YEATS4: variants seen among roughly 807,000 people sequenced by gnomAD.
YEATS4 encodes YEATS domain containing 4, also known as YEATS domain-containing protein 4.
A neutral mutation model predicts 30.1 loss-of-function variants in YEATS4; 17 were observed. The observed-to-expected ratio is 0.56, with a 90% confidence interval of 0.39 to 0.85. The LOEUF is 0.85. Among genes scored for constraint, YEATS4 ranks in the 40% least tolerant of loss-of-function variants. The probability of loss-of-function intolerance (pLI) is 0.00; values close to 1 mark genes in which losing one functional copy is unlikely to be tolerated. For synonymous variants in YEATS4, 85 were observed against 87.5 expected, an observed-to-expected ratio of 0.97 and a Z score of 0.16; for missense variants, 142 against 268.3, an observed-to-expected ratio of 0.53 and a Z score of 3.29.
Position 69,359,850 on chromosome 12 carries a change from C to G in YEATS4, c.-123C>G, listed in dbSNP as rs1273763273. The G allele has an allele frequency of 2.6e-5, 31 of 1,209,878 alleles. No homozygotes were observed. Among genetic ancestry groups the G allele is most frequent in the Non-Finnish European group, 3.6e-5 (31 of 864,670 alleles). The allele number at this position is 1,209,878 out of a possible 1,614,324, so 74.9% of individuals were successfully genotyped here. A position where few individuals can be genotyped will look rare whatever the true frequency, so the allele number is the denominator to read the frequency against. Reference sequence around the variant, plus strand: ...CCGCCGTGAGCCCAAGTAACTCGCCCTCCTTCGGCTAGAAACCCTCCGCCT... The same window carrying G: ...CCGCCGTGAGCCCAAGTAACTCGCCGTCCTTCGGCTAGAAACCCTCCGCCT... On this transcript the variant is annotated 5_prime_UTR_variant, in exon 1 of 7. Coordinates refer to ENST00000247843, the MANE Select transcript of YEATS4 (RefSeq NM_006530.4).
rs117678808 is a variant in YEATS4 at position 69,390,485 on chromosome 12, A to G, written c.*169A>G. The G allele has an allele frequency of 0.023, 11,807 of 521,138 alleles. 188 individuals carry two copies. Among genetic ancestry groups the G allele is most frequent in the Middle Eastern group, 0.028 (56 of 1,986 alleles). 32.3% of individuals were successfully genotyped at this position (521,138 alleles called of 1,614,324 possible). On this transcript the variant is annotated 3_prime_UTR_variant, in exon 7 of 7. Transcript: ENST00000247843. Reference sequence around the variant, plus strand: ...ATTTGTACTATTTAAGCAATCTTTAATGGAAAATATGTGTGTAAGAATGGA... The same window carrying G: ...ATTTGTACTATTTAAGCAATCTTTAGTGGAAAATATGTGTGTAAGAATGGA...
At chr12:69,416,136 C>G in the YEATS4 span, among the ~76,000 whole-genome samples, 2 of 152,160 alleles carry the variant, frequency 1.3e-5, no homozygotes, top group African/African-American at 4.8e-5. Context: ...AACTGCTGTG[C>G]ATTCCAACTT....
intron 6 of YEATS4, among the ~76,000 whole-genome samples, chr12:69,376,258 C>T (rs1230406155): frequency 2.0e-5 from 3 of 152,072 alleles, no homozygotes; most frequent in Admixed American, 6.6e-5. Context: ...CCCAGCTACT[C>T]GTGTGGCAGA....
the YEATS4 span, among the ~76,000 whole-genome samples, chr12:69,410,699 A>G: frequency 2.6e-5 from 4 of 152,220 alleles, no homozygotes; most frequent in African/African-American, 9.6e-5. Context: ...AAGAATTTCA[A>G]GAGAACTGCT....
chr12:69,425,022 C>A, the YEATS4 span, among the ~76,000 whole-genome samples: 1 of 152,120 alleles, frequency 6.6e-6, no homozygotes, highest in African/African-American at 2.4e-5. Context: ...TGGGTTCAAG[C>A]AATTCTCCTG....
intron 6 of YEATS4, 149 bp from the exon 7 acceptor site, chr12:69,389,998 A>C (rs1868298108): frequency 3.4e-6 from 2 of 580,058 alleles, no homozygotes; most frequent in Non-Finnish European, 5.6e-6. Context: ...CCCTCCCCCA[A>C]CCTGCACCCA....
chr12:69,420,233 G>A, the YEATS4 span, among the ~76,000 whole-genome samples: 9 of 152,174 alleles, frequency 5.9e-5, no homozygotes, highest in African/African-American at 2.2e-4. Context: ...TTTCCAGGAT[G>A]CAAGGAAGGA....
intron 2 of YEATS4, chr12:69,364,236 T>G (rs996017281): frequency 9.1e-6 from 4 of 439,610 alleles, no homozygotes; most frequent in Non-Finnish European, 1.4e-5. Flanking sequence ...GAGGATCGCT[T>G]GAGCCCAGGA....
chr12:69,402,589 G>A, the YEATS4 span, among the ~76,000 whole-genome samples: 2 of 152,142 alleles, frequency 1.3e-5, no homozygotes, highest in Non-Finnish European at 2.9e-5. Flanking sequence ...TGCTATTGTA[G>A]CACAAAGGCA....
intron 6 of YEATS4, among the ~76,000 whole-genome samples, chr12:69,387,811 TGATTGG>T: frequency 6.6e-6 from 1 of 152,228 alleles, no homozygotes; most frequent in Non-Finnish European, 1.5e-5. Flanking sequence ...GAAGAAGCAC[TGATTGG>T]TCATGGCAGG....
rs1875407480 is a variant in YEATS4 at position 69,365,827 on chromosome 12, A to G, written c.276A>G (p.Gly92=). The change falls in exon 4 of 7, where the codon GGA becomes GGG. Residue 92 remains glycine, a synonymous_variant. Coordinates refer to ENST00000247843, the MANE Select transcript of YEATS4 (RefSeq NM_006530.4). ...CTCCATATGAAATTACTGAAACAGG[A>G]TGGGGTGAATTCGAAATAATCATCA... ...TKPPYEITET[G]WGEFEIIIKI... 6 of 1,611,324 alleles carry G rather than the reference A, an allele frequency of 3.7e-6. No individual in the cohort carries two copies. The highest frequency in any genetic ancestry group is 1.3e-5 in the African/African-American group (1 of 74,900).
the YEATS4 span, among the ~76,000 whole-genome samples, chr12:69,411,914 G>A: frequency 9.5e-4 from 144 of 152,350 alleles, 1 homozygote; most frequent in African/African-American, 3.2e-3. Context: ...ACCAAACCAC[G>A]TAGGGGTTTG....
At chr12:69,418,307 C>T in the YEATS4 span, among the ~76,000 whole-genome samples, 4 of 152,028 alleles carry the variant, frequency 2.6e-5, no homozygotes, top group Admixed American at 1.3e-4. Flanking sequence ...CAAAAATTAG[C>T]GGGGTAGGAT....
downstream of YEATS4, among the ~76,000 whole-genome samples, chr12:69,394,613 TAGTG>T (rs980395801): frequency 1.1e-4 from 16 of 147,028 alleles, no homozygotes; most frequent in East Asian, 5.8e-4. Context: ...AAGATGGAGA[TAGTG>T]TGTTTGTTTG....
intron 1 of YEATS4, among the ~76,000 whole-genome samples, chr12:69,361,038 A>G (rs1444493310): frequency 6.6e-6 from 1 of 151,488 alleles, no homozygotes; most frequent in African/African-American, 2.4e-5. Flanking sequence ...TCTCTACTAA[A>G]TATACAAAAA....
chr12:69,376,419 T>C (rs1167808875), intron 6 of YEATS4, among the ~76,000 whole-genome samples: 4 of 152,236 alleles, frequency 2.6e-5, no homozygotes, highest in African/African-American at 4.8e-5. Context: ...AAGGCTAATT[T>C]GACTTCTGCT....
At chr12:69,366,382 TA>T (rs11383864) in intron 4 of YEATS4, among the ~76,000 whole-genome samples, 9 of 150,272 alleles carry the variant, frequency 6.0e-5, no homozygotes, top group African/African-American at 9.7e-5. Flanking sequence ...CTTGATAATG[TA>T]AAAAAAAAAT....
At chr12:69,375,673 G>A (rs1317709651) in intron 6 of YEATS4, among the ~76,000 whole-genome samples, 2 of 152,222 alleles carry the variant, frequency 1.3e-5, no homozygotes, top group Admixed American at 6.5e-5. Context: ...GGCCAAGGCT[G>A]GCAGATCACT....
the YEATS4 span, among the ~76,000 whole-genome samples, chr12:69,418,084 G>A: frequency 4.6e-5 from 7 of 152,180 alleles, no homozygotes; most frequent in Admixed American, 1.3e-4. Context: ...GACAGATTCT[G>A]GGGATTGTCT....
Sources: gnomAD v4.1 joint callset for allele counts (sites outside exome capture counted in the v4.1 genomes callset) on GRCh38, gnomAD v4.1.1 for gene constraint, MANE v1.5 for transcripts, NCBI Gene and HGNC (gene_info 2026-07-23, HGNC 2026-07-21) for gene names.